Variants in ZNF236 observed in about 807,000 individuals in gnomAD.
ZNF236 encodes regulated by glucose.
A neutral mutation model predicts 191.2 loss-of-function variants in ZNF236; 50 were observed. That is an observed-to-expected ratio of 0.26 (90% CI 0.21 to 0.33). The LOEUF (loss-of-function observed/expected upper bound fraction) is 0.33, where lower values mean the gene tolerates loss of function less well. Among genes scored for constraint, ZNF236 ranks in the 10% least tolerant of loss-of-function variants. The pLI, the probability that ZNF236 is intolerant of heterozygous loss-of-function variation, is 1.00. For synonymous variants in ZNF236, 907 were observed against 928.8 expected (o/e 0.98, Z 0.43); for missense variants, 1,754 against 2,374.5 (o/e 0.74, Z 5.43).
intron 9 of ZNF236, among the ~76,000 whole-genome samples, chr18:76,883,528 A>G (rs192897705): frequency 9.2e-5 from 14 of 152,052 alleles, no homozygotes; most frequent in Non-Finnish European, 1.9e-4. Flanking sequence ...GGCTCAAGCA[A>G]TCCTCCTCCC....
chr18:76,854,610 G>A (rs1481980582), intron 3 of ZNF236, among the ~76,000 whole-genome samples: 1 of 149,766 alleles, frequency 6.7e-6, no homozygotes, highest in Non-Finnish European at 1.5e-5. Context: ...TTTGGCATCT[G>A]GATTTAGCAT....
chr18:76,902,406 C>T (rs1329823820), intron 11 of ZNF236, among the ~76,000 whole-genome samples: 2 of 152,084 alleles, frequency 1.3e-5, no homozygotes, highest in Admixed American at 6.5e-5. Flanking sequence ...AGGAAGCTAG[C>T]GGTAGTCCAG....
chr18:76,894,763 G>T lies in ZNF236; in HGVS notation c.1418-250G>T, dbSNP rs185716187. Among the ~76,000 whole-genome samples the T allele has an allele frequency of 2.0e-3, 300 of 152,264 alleles. 3 individuals carry two copies. The highest frequency in any genetic ancestry group is 3.1e-3 in the Non-Finnish European group (208 of 68,022). On this transcript the variant is annotated intron_variant, in intron 9 of 30. Coordinates refer to ENST00000320610, the MANE Select transcript of ZNF236 (RefSeq NM_001306089.2). ...AGGGAGCCAGCTGTGTCCTGGTGCC[G>T]CTGGACCTACCGAATCAATCACCCT...
intron 11 of ZNF236, among the ~76,000 whole-genome samples, chr18:76,900,873 C>G (rs1204324375): frequency 6.6e-6 from 1 of 152,060 alleles, no homozygotes; most frequent in African/African-American, 2.4e-5. Flanking sequence ...GATTGGGGGT[C>G]GGGTGGGAGG....
intron 3 of ZNF236, among the ~76,000 whole-genome samples, chr18:76,865,394 G>T (rs973288531): frequency 6.6e-6 from 1 of 152,088 alleles, no homozygotes; most frequent in Admixed American, 6.6e-5. Flanking sequence ...ACAATACATT[G>T]TCTCCAAGAA....
intron 9 of ZNF236, chr18:76,888,845 G>C (rs1426974555): frequency 6.6e-6 from 1 of 152,378 alleles, no homozygotes; most frequent in African/African-American, 2.4e-5. Context: ...ACCCATGTCT[G>C]GCCAGTGGTC....
At chr18:76,834,812 C>T (rs546163707) in intron 1 of ZNF236, 15 of 470,078 alleles carry the variant, frequency 3.2e-5, no homozygotes, top group Non-Finnish European at 5.1e-5. Context: ...AATCTTCCTG[C>T]GAATGTGGGA....
At chr18:76,947,129 T>C (rs1233163388) in intron 26 of ZNF236, among the ~76,000 whole-genome samples, 1 of 152,208 alleles carries the variant, frequency 6.6e-6, no homozygotes, top group Non-Finnish European at 1.5e-5. Context: ...CATAGAAATG[T>C]GATCATCCGT....
rs12966573 is a variant in ZNF236, at chr18:76,969,608, G to A, written c.*1269G>A. The A allele has an allele frequency of 4.8e-4, 73 of 152,556 alleles. No homozygotes were observed. Among genetic ancestry groups the A allele is most frequent in the Non-Finnish European group, 7.8e-4 (53 of 68,010 alleles). The allele number at this position is 152,556 out of a possible 1,614,324, so 9.5% of individuals were successfully genotyped here. A position where few individuals can be genotyped will look rare whatever the true frequency, so the allele number is the denominator to read the frequency against. ...GATATCTTTTTCATTGTCATATAAA[G>A]CTGGGTTTTATTTTTTTTTCCTGAA... On this transcript the variant is annotated 3_prime_UTR_variant, in exon 31 of 31. Coordinates refer to ENST00000320610, the MANE Select transcript of ZNF236 (RefSeq NM_001306089.2).
intron 26 of ZNF236, among the ~76,000 whole-genome samples, chr18:76,941,961 A>G (rs951691033): frequency 1.3e-5 from 2 of 152,238 alleles, no homozygotes; most frequent in Non-Finnish European, 2.9e-5. Flanking sequence ...GTATTTTTCT[A>G]AACATAATGA....
chr18:76,827,907 T>C (rs1975061653), intron 1 of ZNF236, among the ~76,000 whole-genome samples: 1 of 152,208 alleles, frequency 6.6e-6, no homozygotes, highest in South Asian at 2.1e-4. Context: ...TCCATCTGTT[T>C]TCTCCAATGG....
intron 25 of ZNF236, among the ~76,000 whole-genome samples, chr18:76,928,801 T>G (rs1378015029): frequency 6.6e-6 from 1 of 152,104 alleles, no homozygotes; most frequent in East Asian, 1.9e-4. Flanking sequence ...CACGTGACTC[T>G]TAACTATAAA....
chr18:76,954,073 C>G (rs1015390433), intron 27 of ZNF236, among the ~76,000 whole-genome samples: 1 of 152,160 alleles, frequency 6.6e-6, no homozygotes, highest in Non-Finnish European at 1.5e-5. Context: ...CTCCTTTGGG[C>G]AAGTATGATT....
chr18:76,828,841 T>C (rs183584888), intron 1 of ZNF236, among the ~76,000 whole-genome samples: 2 of 152,206 alleles, frequency 1.3e-5, no homozygotes, highest in African/African-American at 4.8e-5. Context: ...TAATTTTTTG[T>C]ATTTTAGTAG....
chr18:76,917,533 A>G (rs1017885135), intron 19 of ZNF236, among the ~76,000 whole-genome samples: 1 of 152,220 alleles, frequency 6.6e-6, no homozygotes, highest in Non-Finnish European at 1.5e-5. Context: ...ACTCTTGTCC[A>G]TAGGAGAAAA....
intron 9 of ZNF236, chr18:76,888,772 G>GATCCC (rs1341820577): frequency 1.3e-5 from 2 of 152,200 alleles, no homozygotes; most frequent in Non-Finnish European, 2.9e-5. Flanking sequence ...GGTGCTCTCC[G>GATCCC]ATCCCACAGA....
chr18:76,897,496 C>CCA (rs1195219790), intron 10 of ZNF236, among the ~76,000 whole-genome samples: 1 of 151,722 alleles, frequency 6.6e-6, no homozygotes, highest in Non-Finnish European at 1.5e-5. Flanking sequence ...GTACATAGTA[C>CCA]CACACACACA....
intron 22 of ZNF236, 101 bp from the exon 23 acceptor site, chr18:76,926,936 A>G: frequency 2.9e-6 from 4 of 1,365,598 alleles, no homozygotes; most frequent in Non-Finnish European, 4.0e-6. Flanking sequence ...CATAATGTGT[A>G]CAACTTATGT....
chr18:76,843,516 G>A (rs71360980), intron 1 of ZNF236, among the ~76,000 whole-genome samples: 6 of 151,916 alleles, frequency 3.9e-5, no homozygotes, highest in Non-Finnish European at 7.4e-5. Context: ...AGTGGCTCAC[G>A]CCTGTAATCC....
Sources: gnomAD v4.1 joint callset for allele counts (sites outside exome capture counted in the v4.1 genomes callset) on GRCh38, gnomAD v4.1.1 for gene constraint, MANE v1.5 for transcripts, NCBI Gene and HGNC (gene_info 2026-07-23, HGNC 2026-07-21) for gene names.